The following ABCA1 variants were observed in gnomAD, a reference collection of about 807,000 sequenced individuals.
ABCA1 encodes phospholipid-transporting ATPase ABCA1.
A neutral mutation model predicts 262.5 loss-of-function variants in ABCA1; 133 were observed. The observed-to-expected ratio is 0.51, with a 90% CI of 0.44 to 0.59. ABCA1 has a LOEUF of 0.59. Ranked by LOEUF, ABCA1 falls within the 20% of genes least tolerant of loss-of-function variation. The pLI is 0.00. For missense variants in ABCA1, 2,452 were observed against 2,777.5 expected (o/e 0.88, Z 2.63); for synonymous variants, 1,022 against 1,043.5 (o/e 0.98, Z 0.40).
At chr9:104,901,896 A>T (rs1438175330) in intron 2 of ABCA1, among the ~76,000 whole-genome samples, 3 of 152,192 alleles carry the variant, frequency 2.0e-5, no homozygotes, top group Non-Finnish European at 4.4e-5. Context: ...CTAGTTAATA[A>T]TGCCTAATCA....
intron 7 of ABCA1, among the ~76,000 whole-genome samples, chr9:104,851,843 T>A (rs1588405978): frequency 6.6e-6 from 1 of 152,230 alleles, no homozygotes; most frequent in Non-Finnish European, 1.5e-5. Flanking sequence ...TAATCCATTA[T>A]CACTACACGA....
intron 5 of ABCA1, among the ~76,000 whole-genome samples, chr9:104,875,455 G>A (rs1838081126): frequency 6.6e-6 from 1 of 152,186 alleles, no homozygotes; most frequent in South Asian, 2.1e-4. Flanking sequence ...TGCAGCTGAA[G>A]GGAGAGAGAA....
intron 8 of ABCA1, 138 bp from the exon 9 acceptor site, chr9:104,840,657 G>T: frequency 1.1e-6 from 1 of 943,098 alleles, no homozygotes; most frequent in Non-Finnish European, 1.6e-6. Context: ...TATTTTGTCT[G>T]ATGTCATCTC....
At chr9:104,785,361 T>C (rs1391016963) in intron 49 of ABCA1, 35 bp downstream of exon 49, 1 of 1,612,796 alleles carries the variant, frequency 6.2e-7, no homozygotes, top group African/African-American at 1.3e-5. Context: ...ATCCACACCC[T>C]GAGAAGTAAA....
chr9:104,821,509 G>A lies in ABCA1; in HGVS notation c.2829-3C>T. ...GGAACAACCCGGTCAGGATTGACCT[G>A]AGGACAAAAATTTAGAAGTACAGAA... On this transcript the variant is annotated splice_region_variant and splice_polypyrimidine_tract_variant and intron_variant, in intron 19 of 49. Transcript: ENST00000374736. 6.2e-7 allele frequency: 1 copy of A among 1,613,826 alleles called. No homozygotes were observed. The highest frequency in any genetic ancestry group is 8.5e-7 in the Non-Finnish European group (1 of 1,180,010).
Position 104,786,913 on chromosome 9 carries a change from C to T in ABCA1, c.6268G>A (p.Val2090Ile). The change falls in exon 47 of 50, where the codon GTT (valine) becomes ATT (isoleucine). Residue 2090 changes from valine (V) to isoleucine (I), a missense_variant. Coordinates refer to ENST00000374736, the MANE Select transcript of ABCA1 (RefSeq NM_005502.4). ...RRFLWNCALS[V>I]VKEGRSVVLT... The stretch of plus-strand genomic sequence containing the variant: ...ACTACTGATCTCCCCTCCTTGACAA[C>T]ACTTAGGGCACAATTCCACAAGAAC... 3 of 1,614,066 alleles carry T rather than the reference C, an allele frequency of 1.9e-6. No individual in the cohort carries two copies. Among genetic ancestry groups the T allele is most frequent in the Non-Finnish European group, 2.5e-6 (3 of 1,179,982 alleles).
At chr9:104,810,139 T>C (rs1564110381) in intron 29 of ABCA1, among the ~76,000 whole-genome samples, 2 of 109,594 alleles carry the variant, frequency 1.8e-5, no homozygotes, top group Non-Finnish European at 3.3e-5. Flanking sequence ...CAATTCACAT[T>C]ACATATATAT....
At chr9:104,788,689 C>T in intron 44 of ABCA1, 122 bp from the exon 45 acceptor site, 3 of 1,271,896 alleles carry the variant, frequency 2.4e-6, no homozygotes, top group Non-Finnish European at 3.4e-6. Context: ...ACATCTGCTG[C>T]TACTTGAAAG....
At chr9:104,830,768 A>AT (rs1293510577) in intron 14 of ABCA1, among the ~76,000 whole-genome samples, 157 bp downstream of exon 14, 1 of 152,160 alleles carries the variant, frequency 6.6e-6, no homozygotes, top group Admixed American at 6.5e-5. Flanking sequence ...GTGTGCACAT[A>AT]TATCTATGTC....
intron 1 of ABCA1, among the ~76,000 whole-genome samples, chr9:104,926,470 C>CAAAAAAAAAAAAA (rs781060719): frequency 8.4e-6 from 1 of 118,778 alleles, no homozygotes; most frequent in Non-Finnish European, 1.8e-5. Context: ...ACCAAAAAAA[C>CAAAAAAAAAAAAA]AAAAAAAAAA....
At chr9:104,882,048 A>AAAAAAAAAAAAAAAC (rs1838717269) in intron 5 of ABCA1, among the ~76,000 whole-genome samples, 1 of 150,122 alleles carries the variant, frequency 6.7e-6, no homozygotes, top group Non-Finnish European at 1.5e-5. Flanking sequence ...AAAAAAAAAA[A>AAAAAAAAAAAAAAAC]AAAAAAAAAC....
At chr9:104,888,840 G>C (rs1344690248) in intron 3 of ABCA1, among the ~76,000 whole-genome samples, 1 of 152,110 alleles carries the variant, frequency 6.6e-6, no homozygotes, top group African/African-American at 2.4e-5. Context: ...TATCAGTAAG[G>C]TTATTCTATT....
chr9:104,887,963 G>A (rs1459215536), intron 3 of ABCA1, among the ~76,000 whole-genome samples: 1 of 151,968 alleles, frequency 6.6e-6, no homozygotes, highest in African/African-American at 2.4e-5. Context: ...CTGACCTCAA[G>A]TGATCCACCC....
chr9:104,914,920 G>A (rs1841748120), intron 1 of ABCA1, among the ~76,000 whole-genome samples: 1 of 152,104 alleles, frequency 6.6e-6, no homozygotes, highest in African/African-American at 2.4e-5. Flanking sequence ...TTAACTTCAT[G>A]TGAGCTAGAG....
In ABCA1 at chr9:104,796,106, T is replaced by A; in HGVS notation, c.5329A>T (p.Ile1777Phe). The A allele has an allele frequency of 6.2e-7, 1 of 1,613,622 alleles. No individual in the cohort carries two copies. Among genetic ancestry groups the A allele is most frequent in the Non-Finnish European group, 8.5e-7 (1 of 1,180,012 alleles). ...GTGGCCACGCTGCCATTAATGCCAATGAAGAGGTTCACGCTGGTGAGCACC... is the reference window on the plus strand; with the variant it reads ...GTGGCCACGCTGCCATTAATGCCAAAGAAGAGGTTCACGCTGGTGAGCACC... ...YVVLTSVNLF[I>F]GINGSVATFV... The change falls in exon 39 of 50, where the codon ATT becomes TTT. Residue 1777 changes from isoleucine (I) to phenylalanine (F), a missense_variant. By Grantham distance (21) the Ile-to-Phe change is conservative. Coordinates refer to ENST00000374736, the MANE Select transcript of ABCA1 (RefSeq NM_005502.4).
chr9:104,811,821 G>A (rs758646050), intron 28 of ABCA1, among the ~76,000 whole-genome samples: 2 of 152,180 alleles, frequency 1.3e-5, no homozygotes, highest in Non-Finnish European at 2.9e-5. Flanking sequence ...CTGAGGATCA[G>A]AGAGACTAAG....
At chr9:104,832,850 G>A in intron 11 of ABCA1, 79 bp from the exon 12 acceptor site, 1 of 1,321,082 alleles carries the variant, frequency 7.6e-7, no homozygotes. Context: ...CAAAATACTT[G>A]CATATACACT....
At chr9:104,822,805 C>T (rs1408956408) in intron 18 of ABCA1, 138 bp from the exon 19 acceptor site, 5 of 958,964 alleles carry the variant, frequency 5.2e-6, no homozygotes, top group African/African-American at 3.2e-5. Context: ...AGGCAGGAGG[C>T]TATAAATGTT....
rs113347796 is a variant in ABCA1, at chr9:104,887,476, C to A, written c.160+1626G>T. On this transcript the variant is annotated intron_variant, in intron 3 of 49. Coordinates refer to ENST00000374736, the MANE Select transcript of ABCA1 (RefSeq NM_005502.4). ...AAACAAACCCCAACTTGTCTGATGC[C>A]GAAGACATTTGCTATTTCCACTACA... Among the ~76,000 whole-genome samples the A allele has an allele frequency of 1.9e-3, 293 of 152,140 alleles. 3 individuals carry two copies. The highest frequency in any genetic ancestry group is 6.7e-3 in the African/African-American group (279 of 41,530).
Sources: gnomAD v4.1 joint callset for allele counts (sites outside exome capture counted in the v4.1 genomes callset) on GRCh38, gnomAD v4.1.1 for gene constraint, MANE v1.5 for transcripts, NCBI Gene and HGNC (gene_info 2026-07-23, HGNC 2026-07-21) for gene names.